The following JAZF1 variants were observed in gnomAD, a reference collection of about 807,000 sequenced individuals.
JAZF1 encodes juxtaposed with another zinc finger protein 1.
A neutral mutation model predicts 26.4 loss-of-function variants in JAZF1; 8 were observed. The ratio of observed to expected loss-of-function variants is 0.30; its 90% CI spans 0.18 to 0.55. The LOEUF is 0.55. Ranked by LOEUF, JAZF1 falls within the 20% of genes least tolerant of loss-of-function variation. The pLI is 0.94. For missense variants in JAZF1, 199 were observed against 322.0 expected, an observed-to-expected ratio of 0.62 and a Z score of 2.92; for synonymous variants, 126 against 122.3, an observed-to-expected ratio of 1.03 and a Z score of -0.20.
chr7:27,832,629 A>C lies in JAZF1; in HGVS notation c.*171T>G. 2 of 487,674 alleles carry C rather than the reference A, an allele frequency of 4.1e-6. No individual in the cohort carries two copies. The allele number at this position is 487,674 out of a possible 1,614,324, so 30.2% of individuals were successfully genotyped here. A position where few individuals can be genotyped will look rare whatever the true frequency, so the allele number is the denominator to read the frequency against. On this transcript the variant is annotated 3_prime_UTR_variant, in exon 5 of 5. Transcript: ENST00000283928. ...ATGATTACATGTGCAAATGTACAAAATCATTAACTCTACAAAGATACATCA... is the reference window on the plus strand; with the variant it reads ...ATGATTACATGTGCAAATGTACAAACTCATTAACTCTACAAAGATACATCA...
chr7:27,942,810 C>T (rs1784869532), intron 2 of JAZF1, among the ~76,000 whole-genome samples: 1 of 152,144 alleles, frequency 6.6e-6, no homozygotes, highest in African/African-American at 2.4e-5. Flanking sequence ...ACAATAAGTG[C>T]CTTTTTGGCT....
intron 2 of JAZF1, chr7:27,913,399 A>G: frequency 2.2e-6 from 1 of 461,220 alleles, no homozygotes; most frequent in South Asian, 1.6e-5. Flanking sequence ...TACCTTTTGG[A>G]CAAGTAGGAC....
At chr7:27,882,127 C>A (rs905529699) in intron 3 of JAZF1, among the ~76,000 whole-genome samples, 2 of 152,122 alleles carry the variant, frequency 1.3e-5, no homozygotes, top group African/African-American at 4.8e-5. Context: ...CCTGTAACTA[C>A]TTAGAATACT....
chr7:28,015,026 A>AGTGT (rs1169896668), intron 1 of JAZF1, among the ~76,000 whole-genome samples: 13 of 116,422 alleles, frequency 1.1e-4, no homozygotes, highest in Non-Finnish European at 2.2e-4. Context: ...AAAAGCAGAA[A>AGTGT]GTGTGTATGT....
intron 1 of JAZF1, among the ~76,000 whole-genome samples, chr7:28,051,886 A>G (rs1783623515): frequency 6.6e-6 from 1 of 152,238 alleles, no homozygotes; most frequent in Non-Finnish European, 1.5e-5. Flanking sequence ...GAAACCTTAC[A>G]AAGTGATTTA....
chr7:28,095,611 G>C (rs770977740), intron 1 of JAZF1, among the ~76,000 whole-genome samples: 10 of 152,116 alleles, frequency 6.6e-5, no homozygotes, highest in Non-Finnish European at 1.0e-4. Flanking sequence ...ACCATATCAA[G>C]TCCCTACCTC....
At chr7:27,914,492 T>C (rs889783513) in intron 2 of JAZF1, among the ~76,000 whole-genome samples, 2 of 152,186 alleles carry the variant, frequency 1.3e-5, no homozygotes, top group East Asian at 3.9e-4. Context: ...CCCCAGCTTC[T>C]GTTTTGTTTA....
intron 2 of JAZF1, among the ~76,000 whole-genome samples, chr7:27,963,961 G>A (rs1785229633): frequency 6.6e-6 from 1 of 152,172 alleles, no homozygotes; most frequent in Admixed American, 6.5e-5. Context: ...AATGAAGAAT[G>A]AGGACAACAT....
chr7:28,039,221 C>T (rs1783347889), intron 1 of JAZF1, among the ~76,000 whole-genome samples: 2 of 152,126 alleles, frequency 1.3e-5, no homozygotes, highest in African/African-American at 4.8e-5. Flanking sequence ...TTAAAAAATG[C>T]TTTGGTATTA....
intron 1 of JAZF1, among the ~76,000 whole-genome samples, chr7:28,163,669 C>G (rs1342360414): frequency 6.6e-6 from 1 of 152,192 alleles, no homozygotes; most frequent in Admixed American, 6.5e-5. Context: ...TTTTTCTCCC[C>G]TTCAAGTCCC....
At chr7:28,030,117 A>T (rs939479331) in intron 1 of JAZF1, among the ~76,000 whole-genome samples, 5 of 152,226 alleles carry the variant, frequency 3.3e-5, no homozygotes, top group African/African-American at 1.2e-4. Context: ...AGCAAACCAG[A>T]AGCAGCAAGA....
At chr7:28,005,458 GAC>G (rs1405505544) in intron 1 of JAZF1, among the ~76,000 whole-genome samples, 2 of 151,862 alleles carry the variant, frequency 1.3e-5, no homozygotes, top group Non-Finnish European at 2.9e-5. Context: ...TGAACATCTG[GAC>G]ACAGACTGAC....
intron 1 of JAZF1, among the ~76,000 whole-genome samples, chr7:28,006,549 C>T (rs953806409): frequency 5.3e-5 from 8 of 152,118 alleles, no homozygotes; most frequent in Non-Finnish European, 8.8e-5. Flanking sequence ...ACTATCACTG[C>T]GTGTCTACTA....
chr7:27,841,106 G>C, intron 3 of JAZF1: 1 of 442,134 alleles, frequency 2.3e-6, no homozygotes, highest in Non-Finnish European at 4.0e-6. Flanking sequence ...TCACAGCTAG[G>C]AGTTGGCGGA....
At chr7:27,887,252 T>C (rs1049542468) in intron 3 of JAZF1, among the ~76,000 whole-genome samples, 7 of 152,150 alleles carry the variant, frequency 4.6e-5, no homozygotes, top group African/African-American at 1.7e-4. Flanking sequence ...ATAAGAAACC[T>C]GCATTTGTAC....
chr7:27,982,292 CAGG>C (rs1785601594), intron 2 of JAZF1, among the ~76,000 whole-genome samples: 1 of 119,972 alleles, frequency 8.3e-6, no homozygotes, highest in Admixed American at 9.2e-5. Context: ...CACAGCACAC[CAGG>C]AGATTATATC....
chr7:28,133,473 G>A (rs1392240197), intron 1 of JAZF1, among the ~76,000 whole-genome samples: 1 of 152,136 alleles, frequency 6.6e-6, no homozygotes, highest in Non-Finnish European at 1.5e-5. Flanking sequence ...GATCTGCCAG[G>A]AGAATCCAGG....
intron 1 of JAZF1, among the ~76,000 whole-genome samples, chr7:28,055,509 T>C (rs1783689862): frequency 1.3e-5 from 2 of 152,198 alleles, no homozygotes; most frequent in African/African-American, 4.8e-5. Flanking sequence ...ATTTCCATCT[T>C]GGACTGTTAA....
chr7:27,912,350 T>C (rs1339739836), intron 2 of JAZF1, among the ~76,000 whole-genome samples: 5 of 152,230 alleles, frequency 3.3e-5, no homozygotes, highest in Non-Finnish European at 7.3e-5. Context: ...CTTTTCCTTA[T>C]TGGAAGTGAA....
Sources: allele counts gnomAD v4.1 joint callset (sites outside exome capture counted in the v4.1 genomes callset), GRCh38; gene constraint gnomAD v4.1.1; transcripts MANE v1.5; gene names NCBI Gene and HGNC (gene_info 2026-07-23, HGNC 2026-07-21).